The following CMAS variants were observed in gnomAD, a reference collection of about 807,000 sequenced individuals.
CMAS encodes N-acylneuraminate cytidylyltransferase.
CMAS carries 21 observed loss-of-function variants against 53.4 expected under a neutral mutation model. The ratio of observed to expected loss-of-function variants is 0.39; its 90% CI spans 0.28 to 0.57. The LOEUF is 0.57. Among genes scored for constraint, CMAS ranks in the 20% least tolerant of loss-of-function variants. The pLI, the probability that CMAS is intolerant of heterozygous loss-of-function variation, is 0.56. For synonymous variants in CMAS, 189 were observed against 195.2 expected (o/e 0.97, Z 0.27); for missense variants, 384 against 534.9 (o/e 0.72, Z 2.78).
intron 3 of CMAS, among the ~76,000 whole-genome samples, chr12:22,056,840 G>A (rs1373663504): frequency 6.6e-6 from 1 of 152,080 alleles, no homozygotes; most frequent in East Asian, 1.9e-4. Context: ...GATCTTTCTT[G>A]TACCTTCTCC....
chr12:22,064,199 T>G (rs2138191343), intron 7 of CMAS, among the ~76,000 whole-genome samples: 1 of 152,246 alleles, frequency 6.6e-6, no homozygotes, highest in South Asian at 2.1e-4. Context: ...TACTATTGTA[T>G]GTGGTCTAAA....
rs1481319611 is a variant in CMAS, at chr12:22,062,393, G to A, written c.1073G>A (p.Arg358Lys). 6.2e-7 allele frequency: 1 copy of A among 1,613,686 alleles called. No individual in the cohort carries two copies. Among genetic ancestry groups the A allele is most frequent in the Admixed American group, 1.7e-5 (1 of 59,978 alleles). ...SDKLAVVDEW[R>K]KEMGLCWKEV... ...AAGCTAGCAGTTGTAGATGAATGGA[G>A]AAAAGAAATGGGCCTGTGCTGGAAA... The change falls in exon 7 of 8, where the codon AGA (arginine) becomes AAA (lysine). Residue 358 changes from arginine to lysine, a missense_variant. Around this residue, in one of 3 missense-constraint regions of CMAS, gnomAD observed 134 missense variants for 154.6 expected, o/e 0.87. Coordinates refer to ENST00000229329, the MANE Select transcript of CMAS (RefSeq NM_018686.6).
chr12:22,046,395 C>G lies in CMAS; in HGVS notation c.92C>G (p.Ser31Cys). ...RGRPPKLQRNSRGGQGRGVEK... is the reference protein window; with the variant it reads ...RGRPPKLQRNCRGGQGRGVEK... ...CGGCCGCCGAAGCTGCAGCGCAACT[C>G]TCGCGGCGGCCAGGGCCGAGGTGTG... Residue 31 changes from serine to cysteine, a missense_variant, in exon 1 of 8, where the codon TCT (serine) becomes TGT (cysteine). By Grantham distance (112) the Ser-to-Cys change is moderately radical. Transcript: ENST00000229329. 1 of 1,584,870 alleles carries G rather than the reference C, an allele frequency of 6.3e-7. No individual in the cohort carries two copies. The highest frequency in any genetic ancestry group is 8.6e-7 in the Non-Finnish European group (1 of 1,167,278).
At chr12:22,053,660 A>G (rs1040095433) in intron 1 of CMAS, among the ~76,000 whole-genome samples, 5 of 150,748 alleles carry the variant, frequency 3.3e-5, no homozygotes, top group Middle Eastern at 3.4e-3. Flanking sequence ...CGGGCGGATC[A>G]CGAGGTCAGG....
At chr12:22,057,238 C>T (rs1355449589) in intron 3 of CMAS, among the ~76,000 whole-genome samples, 3 of 122,532 alleles carry the variant, frequency 2.4e-5, no homozygotes, top group Admixed American at 7.9e-5. Context: ...CACACACACA[C>T]ATACACACAC....
At chr12:22,050,771 C>G (rs1950236071) in intron 1 of CMAS, among the ~76,000 whole-genome samples, 2 of 151,640 alleles carry the variant, frequency 1.3e-5, no homozygotes, top group South Asian at 4.2e-4. Flanking sequence ...GTTACAGAAA[C>G]AGGCTGAGGA....
chr12:22,062,008 AT>A (rs796401569), intron 6 of CMAS, among the ~76,000 whole-genome samples: 102 of 152,234 alleles, frequency 6.7e-4, no homozygotes, highest in African/African-American at 2.1e-3. Flanking sequence ...ATATGTTGTA[AT>A]TTTTACCTGT....
At chr12:22,059,636 A>G (rs910115684) in intron 4 of CMAS, among the ~76,000 whole-genome samples, 20 of 152,216 alleles carry the variant, frequency 1.3e-4, no homozygotes, top group African/African-American at 4.1e-4. Flanking sequence ...AGAGAGAAAA[A>G]CATTTTTACA....
rs1395301537 is a variant in CMAS, at chr12:22,062,353, G to C, written c.1033G>C (p.Val345Leu). ...SSLKLDCKME[V>L]SVSDKLAVVD... ...TTTAAAACTGGATTGCAAAATGGAA[G>C]TCAGTGTATCAGACAAGCTAGCAGT... Residue 345 changes from valine (V) to leucine (L), a missense_variant, in exon 7 of 8, where the codon GTC becomes CTC. Around this residue, in one of 3 missense-constraint regions of CMAS, gnomAD observed 134 missense variants for 154.6 expected, o/e 0.87. Transcript: ENST00000229329. 6.2e-7 allele frequency: 1 copy of C among 1,612,802 alleles called. No individual in the cohort carries two copies. The highest frequency in any genetic ancestry group is 8.5e-7 in the Non-Finnish European group (1 of 1,179,670).
In CMAS at chr12:22,046,542, T is replaced by C. The variant is rs1284222323; in HGVS notation, c.239T>C (p.Leu80Pro). 6.3e-7 allele frequency: 1 copy of C among 1,598,130 alleles called. No homozygotes were observed. The highest frequency in any genetic ancestry group is 1.1e-5 in the South Asian group (1 of 88,420). ...PLIGWVLRAA[L>P]DSGAFQSVWV... Reference sequence around the variant, plus strand: ...ATTGGCTGGGTCCTGCGTGCGGCCCTGGATTCAGGGGCCTTCCAGAGGTGC... The same window carrying C: ...ATTGGCTGGGTCCTGCGTGCGGCCCCGGATTCAGGGGCCTTCCAGAGGTGC... The change falls in exon 1 of 8, where the codon CTG (leucine) becomes CCG (proline). Residue 80 changes from leucine (L) to proline (P), a missense_variant. By Grantham distance (98) the Leu-to-Pro change is moderately conservative. Coordinates refer to ENST00000229329, the MANE Select transcript of CMAS (RefSeq NM_018686.6).
intron 6 of CMAS, 136 bp downstream of exon 6, chr12:22,061,588 AATT>A (rs1950308780): frequency 2.0e-6 from 1 of 503,056 alleles, no homozygotes; most frequent in Non-Finnish European, 3.4e-6. Flanking sequence ...ACGCCTAGAA[AATT>A]ATTATACTAT....
intron 1 of CMAS, among the ~76,000 whole-genome samples, chr12:22,054,116 C>T (rs1451900755): frequency 6.6e-6 from 1 of 151,638 alleles, no homozygotes; most frequent in Admixed American, 6.6e-5. Flanking sequence ...TAGTAGAGTC[C>T]GGGTTTCACC....
intron 1 of CMAS, among the ~76,000 whole-genome samples, chr12:22,052,470 G>A (rs1591792501): frequency 6.6e-6 from 1 of 152,022 alleles, no homozygotes; most frequent in African/African-American, 2.4e-5. Flanking sequence ...GAACCCTCTG[G>A]TATTGAATTT....
At position 22,065,185 on chromosome 12, in the gene CMAS, C is replaced by T. The variant is rs1036764947; in HGVS notation, c.1179C>T (p.Ala393=). 1.2e-6 allele frequency: 2 copies of T among 1,613,828 alleles called. No individual in the cohort carries two copies. Among genetic ancestry groups the T allele is most frequent in the African/African-American group, 2.7e-5 (2 of 74,890 alleles). The stretch of plus-strand genomic sequence containing the variant: ...GCCTAAGTGGCGCTCCTGCTGATGC[C>T]TGTTCTACTGCCCAGAAGGCTGTTG... The part of the protein sequence containing the change: ...RVGLSGAPAD[A]CSTAQKAVGY... The change falls in exon 8 of 8, where the codon GCC becomes GCT. Residue 393 remains alanine (A), a synonymous_variant. Coordinates refer to ENST00000229329, the MANE Select transcript of CMAS (RefSeq NM_018686.6).
chr12:22,057,240 T>TACACACACACACACAC (rs71053372), intron 3 of CMAS, among the ~76,000 whole-genome samples: 9 of 118,028 alleles, frequency 7.6e-5, no homozygotes, highest in East Asian at 2.9e-4. Flanking sequence ...CACACACACA[T>TACACACACACACACAC]ACACACACAC....
At position 22,055,450 on chromosome 12, in the gene CMAS, T is replaced by C; in HGVS notation, c.404-5T>C. 6.3e-7 allele frequency: 1 copy of C among 1,575,454 alleles called. No homozygotes were observed. Among genetic ancestry groups the C allele is most frequent in the Non-Finnish European group, 8.6e-7 (1 of 1,166,900 alleles). On this transcript the variant is annotated splice_polypyrimidine_tract_variant and splice_region_variant and intron_variant, in intron 2 of 7. Transcript: ENST00000229329. ...TATCCTTTTCATTTCTCTTGTCTTT[T>C]TAAGAGGTTGACATTGTAGGAAATA...
intron 1 of CMAS, among the ~76,000 whole-genome samples, chr12:22,051,174 C>G (rs1950238046): frequency 1.3e-5 from 2 of 152,152 alleles, no homozygotes; most frequent in East Asian, 1.9e-4. Context: ...ACTTTGCATA[C>G]TAACTAGGCT....
intron 1 of CMAS, among the ~76,000 whole-genome samples, chr12:22,053,601 C>T (rs986157127): frequency 9.9e-5 from 15 of 151,042 alleles, no homozygotes; most frequent in African/African-American, 3.6e-4. Context: ...TGGTGGGGGC[C>T]GGGCACGGTG....
Position 22,046,314 on chromosome 12 carries a change from T to C in CMAS, c.11T>C (p.Val4Ala), listed in dbSNP as rs1250072210. The change falls in exon 1 of 8, where the codon GTG becomes GCG. Residue 4 changes from valine (V) to alanine (A), a missense_variant. Coordinates refer to ENST00000229329, the MANE Select transcript of CMAS (RefSeq NM_018686.6). MDS[V>A]EKGAATSVSN... The stretch of plus-strand genomic sequence containing the variant: ...AGGCGTGGGAGGAAGATGGACTCGG[T>C]GGAGAAGGGGGCCGCCACCTCCGTC... The C allele has an allele frequency of 2.7e-6, 4 of 1,481,476 alleles. No homozygotes were observed. The highest frequency in any genetic ancestry group is 3.6e-6 in the Non-Finnish European group (4 of 1,114,870). 91.8% of individuals were successfully genotyped at this position (1,481,476 alleles called of 1,614,324 possible). A position where few individuals can be genotyped will look rare whatever the true frequency, so the allele number is the denominator to read the frequency against.
Sources: allele counts gnomAD v4.1 joint callset (sites outside exome capture counted in the v4.1 genomes callset), GRCh38; gene constraint gnomAD v4.1.1; regional missense constraint gnomAD v4.1.1; transcripts MANE v1.5; gene names NCBI Gene and HGNC (gene_info 2026-07-23, HGNC 2026-07-21).